The following HSPA4 variants were observed in gnomAD, a reference collection of about 807,000 sequenced individuals.
HSPA4 encodes the protein heat shock protein family A (Hsp70) member 4, also known as heat shock 70 kDa protein 4.
HSPA4 carries 25 observed loss-of-function variants against 106.2 expected under a neutral mutation model. The ratio of observed to expected loss-of-function variants is 0.24; its 90% CI spans 0.17 to 0.33. The LOEUF is 0.33. HSPA4 is among the 10% of genes least tolerant of loss of function. The pLI, the probability that HSPA4 is intolerant of heterozygous loss-of-function variation, is 1.00. For synonymous variants in HSPA4, 332 were observed against 333.6 expected, an observed-to-expected ratio of 1.00 and a Z score of 0.05; for missense variants, 841 against 996.0, an observed-to-expected ratio of 0.84 and a Z score of 2.10.
chr5:133,076,280 A>G (rs1581471759), intron 6 of HSPA4: 1 of 215,336 alleles, frequency 4.6e-6, no homozygotes, highest in East Asian at 1.0e-4. Flanking sequence ...AGAAGTATGT[A>G]CATGACATGT....
At chr5:133,097,813 T>G (rs552430764) in intron 15 of HSPA4, among the ~76,000 whole-genome samples, 1 of 152,230 alleles carries the variant, frequency 6.6e-6, no homozygotes, top group Admixed American at 6.5e-5. Context: ...CCTCCCGAAG[T>G]GCTGGGATTA....
At chr5:133,053,958 C>T (rs1163076578) in intron 1 of HSPA4, among the ~76,000 whole-genome samples, 3 of 150,740 alleles carry the variant, frequency 2.0e-5, no homozygotes, top group Admixed American at 1.3e-4. Context: ...CGGTGCCCGG[C>T]CCCAGGGGCT....
intron 2 of HSPA4, among the ~76,000 whole-genome samples, chr5:133,065,725 C>T (rs985899177): frequency 3.9e-5 from 6 of 152,146 alleles, no homozygotes; most frequent in Non-Finnish European, 8.8e-5. Context: ...GGAAGGAAAG[C>T]ATACCTCTAG....
At position 133,073,724 on chromosome 5, in the gene HSPA4, A is replaced by G. The variant is rs116234705; in HGVS notation, c.530-269A>G. 6.7e-3 allele frequency among the ~76,000 whole-genome samples: 1,015 copies of G among 152,320 alleles called. 9 individuals are homozygous for G. The highest frequency in any genetic ancestry group is 0.024 in the African/African-American group (986 of 41,564). ...CATAGGGGTAGAAAAGATCCAGGAA[A>G]ATATATTTGGAAAATGGGGGAAATG... On this transcript the variant is annotated intron_variant, in intron 5 of 18. Transcript: ENST00000304858.
intron 2 of HSPA4, among the ~76,000 whole-genome samples, chr5:133,066,729 CTTTTTTCTTTTT>C (rs1176294023): frequency 7.6e-6 from 1 of 132,122 alleles, no homozygotes; most frequent in Non-Finnish European, 1.6e-5. Context: ...TTTTTCTTTT[CTTTTTTCTTTTT>C]TTTTTTTTTT....
intron 7 of HSPA4, among the ~76,000 whole-genome samples, chr5:133,081,559 A>C (rs1309656369): frequency 6.6e-6 from 1 of 152,086 alleles, no homozygotes; most frequent in Non-Finnish European, 1.5e-5. Flanking sequence ...GTTTTGGAGG[A>C]TGCCAAACCC....
rs761519270 is a variant in HSPA4 at position 133,104,291 on chromosome 5, C to T, written c.2378C>T (p.Pro793Leu). 1 of 1,613,960 alleles carries T rather than the reference C, an allele frequency of 6.2e-7. No homozygotes were observed. The highest frequency in any genetic ancestry group is 8.5e-7 in the Non-Finnish European group (1 of 1,180,000). Residue 793 changes from proline (P) to leucine (L), a missense_variant, in exon 19 of 19, where the codon CCA (proline) becomes CTA (leucine). Physicochemically the swap from Pro to Leu is moderately conservative, Grantham distance 98. This residue lies in a region of HSPA4 where 328 missense variants were observed against 372.2 expected (regional missense o/e 0.88). Coordinates refer to ENST00000304858, the MANE Select transcript of HSPA4 (RefSeq NM_002154.4). ...AAGCCCAAACCCAAAGTGGAACCTC[C>T]AAAAGAGGAACAAAAAAATGCAGAG... ...ISKPKPKVEP[P>L]KEEQKNAEQN...
intron 7 of HSPA4, among the ~76,000 whole-genome samples, chr5:133,082,476 TTC>T (rs1226343982): frequency 6.6e-6 from 1 of 152,188 alleles, no homozygotes; most frequent in Non-Finnish European, 1.5e-5. Context: ...TAAAATTTAT[TTC>T]TTTTTGAAAC....
Position 133,089,047 on chromosome 5 carries a change from TA to T in HSPA4, c.1138-7del, listed in dbSNP as rs753313633. The T allele has an allele frequency of 2.2e-5, 34 of 1,531,906 alleles. 1 individual carries two copies. The South Asian group carries it at 3.5e-4, about 16-fold the overall frequency. 94.9% of individuals were successfully genotyped at this position (1,531,906 alleles called of 1,614,324 possible). A position where few individuals can be genotyped will look rare whatever the true frequency, so the allele number is the denominator to read the frequency against. On this transcript the variant is annotated splice_polypyrimidine_tract_variant and splice_region_variant and intron_variant, in intron 9 of 18. Transcript: ENST00000304858. ...GTTAAACGGAATTTTTGAAAATTAT[TA>T]TTCTAGTGTGCCATCTTATCGCCTG...
chr5:133,083,519 C>T (rs1765540196), intron 7 of HSPA4, among the ~76,000 whole-genome samples: 1 of 151,830 alleles, frequency 6.6e-6, no homozygotes, highest in African/African-American at 2.4e-5. Context: ...CCTATAAAGC[C>T]ATCAATTTTT....
intron 15 of HSPA4, among the ~76,000 whole-genome samples, chr5:133,097,934 A>T (rs1157689332): frequency 1.3e-5 from 2 of 149,892 alleles, no homozygotes; most frequent in African/African-American, 4.9e-5. Context: ...TTTAATTTGA[A>T]TAGCTCTTGG....
At chr5:133,098,339 T>A (rs1040276141) in intron 15 of HSPA4, among the ~76,000 whole-genome samples, 1 of 152,148 alleles carries the variant, frequency 6.6e-6, no homozygotes, top group Non-Finnish European at 1.5e-5. Context: ...TGAGACGGAG[T>A]CTCGCTCTGT....
chr5:133,092,665 C>A, intron 12 of HSPA4, 35 bp from the exon 13 acceptor site: 1 of 1,373,880 alleles, frequency 7.3e-7, no homozygotes, highest in Non-Finnish European at 1.0e-6. Flanking sequence ...GTTTAGTCTT[C>A]CTAATTGCAG....
intron 6 of HSPA4, 96 bp from the exon 7 acceptor site, chr5:133,076,558 T>G: frequency 1.1e-6 from 1 of 944,970 alleles, no homozygotes; most frequent in Non-Finnish European, 1.5e-6. Context: ...ACCCTCCCTC[T>G]TTTTTTTTAG....
chr5:133,096,342 G>T (rs1765711878), intron 14 of HSPA4, 92 bp downstream of exon 14: 3 of 1,203,620 alleles, frequency 2.5e-6, no homozygotes, highest in South Asian at 3.0e-5. Flanking sequence ...TTGCATTTTT[G>T]ATTGTTTGGA....
At chr5:133,063,220 C>T (rs1371318964) in intron 1 of HSPA4, among the ~76,000 whole-genome samples, 1 of 152,010 alleles carries the variant, frequency 6.6e-6, no homozygotes, top group Non-Finnish European at 1.5e-5. Context: ...CCTCAGCCAC[C>T]CCCACCCCGT....
intron 2 of HSPA4, among the ~76,000 whole-genome samples, chr5:133,066,992 G>A (rs1183305467): frequency 6.6e-6 from 1 of 152,090 alleles, no homozygotes; most frequent in East Asian, 1.9e-4. Flanking sequence ...GATTACAGGC[G>A]TGAGCCATGA....
intron 16 of HSPA4, among the ~76,000 whole-genome samples, chr5:133,100,396 T>C (rs1417638342): frequency 1.3e-5 from 2 of 149,628 alleles, no homozygotes; most frequent in Non-Finnish European, 3.0e-5. Context: ...ATTTAAAGCA[T>C]CTGATCTTTT....
intron 6 of HSPA4, among the ~76,000 whole-genome samples, chr5:133,074,498 G>C (rs1055634606): frequency 6.6e-6 from 1 of 152,044 alleles, no homozygotes; most frequent in South Asian, 2.1e-4. Flanking sequence ...GGCTGGTCTC[G>C]AACTCCCGAC....
Sources: gnomAD v4.1 joint callset for allele counts (sites outside exome capture counted in the v4.1 genomes callset) on GRCh38, gnomAD v4.1.1 for gene constraint, gnomAD v4.1.1 regional missense constraint, MANE v1.5 for transcripts, NCBI Gene and HGNC (gene_info 2026-07-23, HGNC 2026-07-21) for gene names.